Variants in FCRL1 observed in about 807,000 individuals in gnomAD.
FCRL1 encodes Fc receptor-like protein 1.
A neutral mutation model predicts 49.2 loss-of-function variants in FCRL1; 34 were observed. The ratio of observed to expected loss-of-function variants is 0.69; its 90% confidence interval spans 0.53 to 0.92. The LOEUF is 0.92. Ranked by LOEUF, FCRL1 falls within the 40% of genes least tolerant of loss-of-function variation. The pLI is 0.00. For missense variants in FCRL1, 524 were observed against 524.1 expected, an observed-to-expected ratio of 1.00 and a Z score of 0.00; for synonymous variants, 218 against 201.6, an observed-to-expected ratio of 1.08 and a Z score of -0.69.
At chr1:157,810,636 T>C (rs937878378) in intron 1 of FCRL1, among the ~76,000 whole-genome samples, 1 of 152,178 alleles carries the variant, frequency 6.6e-6, no homozygotes, top group Non-Finnish European at 1.5e-5. Flanking sequence ...TGTATTTTGA[T>C]TCTGCTGGTG....
At chr1:157,803,809 A>G in intron 3 of FCRL1, 36 bp downstream of exon 3, 1 of 1,602,598 alleles carries the variant, frequency 6.2e-7, no homozygotes, top group Non-Finnish European at 8.5e-7. Context: ...TGCCCTTCTC[A>G]GCCTATCCTG....
chr1:157,814,238 T>C (rs898417670), intron 1 of FCRL1, among the ~76,000 whole-genome samples: 4 of 152,160 alleles, frequency 2.6e-5, no homozygotes, highest in African/African-American at 9.6e-5. Flanking sequence ...TCTACTATGA[T>C]GGTTAAAAGT....
Position 157,802,576 on chromosome 1 carries a change from A to G in FCRL1, c.408T>C (p.Val136=), listed in dbSNP as rs1295015885. 5 of 1,614,204 alleles carry G rather than the reference A, an allele frequency of 3.1e-6. No individual in the cohort carries two copies. Among genetic ancestry groups the G allele is most frequent in the Non-Finnish European group, 3.4e-6 (4 of 1,180,042 alleles). ...EGDRLVLICS[V]AMGTGDITFL... ...AGGTGATGTCTCCTGTGCCCATAGC[A>G]ACTGAGCAGATGAGGACCAGCCTGT... Residue 136 remains valine (V), a synonymous_variant, in exon 4 of 11, where the codon GTT becomes GTC. Coordinates refer to ENST00000368176, the MANE Select transcript of FCRL1 (RefSeq NM_052938.5).
intron 9 of FCRL1, 137 bp downstream of exon 9, chr1:157,797,731 G>A (rs748021607): frequency 1.9e-6 from 3 of 1,564,170 alleles, no homozygotes; most frequent in Admixed American, 3.8e-5. Context: ...CCCAAGGACA[G>A]CCATTAAGTA....
chr1:157,802,595 A>G lies in FCRL1; in HGVS notation c.389T>C (p.Leu130Pro). 6.2e-7 allele frequency: 1 copy of G among 1,614,210 alleles called. No homozygotes were observed. The highest frequency in any genetic ancestry group is 1.7e-5 in the Admixed American group (1 of 60,026). Residue 130 changes from leucine to proline, a missense_variant, in exon 4 of 11, where the codon CTG becomes CCG. Transcript: ENST00000368176. ...PGGQVMEGDR[L>P]VLICSVAMGT... ...CATAGCAACTGAGCAGATGAGGACC[A>G]GCCTGTCTCCCTCCATCACCTGTCC...
At chr1:157,801,275 G>A (rs1484413296) in intron 6 of FCRL1, among the ~76,000 whole-genome samples, 186 bp downstream of exon 6, 1 of 152,160 alleles carries the variant, frequency 6.6e-6, no homozygotes, top group Non-Finnish European at 1.5e-5. Context: ...GAGGGATGGA[G>A]AACTTTACCA....
chr1:157,796,985 GA>G, intron 10 of FCRL1, 115 bp downstream of exon 10: 1 of 916,386 alleles, frequency 1.1e-6, no homozygotes, highest in Non-Finnish European at 1.8e-6. Flanking sequence ...GGGATGTAGG[GA>G]AGAGGTAGAC....
rs748837103 is a variant in FCRL1 at position 157,801,870 on chromosome 1, G to A, written c.886+45C>T. On this transcript the variant is annotated intron_variant, in intron 5 of 10. Coordinates refer to ENST00000368176, the MANE Select transcript of FCRL1 (RefSeq NM_052938.5). ...ACCAGCAAAACTCTCCCAGGACGCT[G>A]GGAAGGAGACATTGACCAAGACAGT... The A allele has an allele frequency of 3.2e-6, 5 of 1,569,918 alleles. No individual in the cohort carries two copies. The South Asian group carries it at 4.8e-5, about 15-fold the overall frequency.
intron 1 of FCRL1, among the ~76,000 whole-genome samples, chr1:157,810,017 T>C (rs1056629628): frequency 6.6e-6 from 1 of 152,148 alleles, no homozygotes; most frequent in Admixed American, 6.5e-5. Flanking sequence ...AGAAGCCAAA[T>C]TAAAAGTGTT....
At position 157,796,035 on chromosome 1, in the gene FCRL1, G is replaced by A. The variant is rs1651409307; in HGVS notation, c.*64C>T. 4.4e-6 allele frequency: 6 copies of A among 1,350,944 alleles called. No homozygotes were observed. In the East Asian group the frequency reaches 1.4e-4, roughly 31 times the overall value. The allele number at this position is 1,350,944 out of a possible 1,614,324, so 83.7% of individuals were successfully genotyped here. Reference sequence around the variant, plus strand: ...AAGCTAATGCCCCAGGATCTCTGAAGAACATATCAGGCCTGAGGCTTGGGG... The same window carrying A: ...AAGCTAATGCCCCAGGATCTCTGAAAAACATATCAGGCCTGAGGCTTGGGG... On this transcript the variant is annotated 3_prime_UTR_variant, in exon 11 of 11. Transcript: ENST00000368176.
chr1:157,811,778 C>T (rs545477105), intron 1 of FCRL1, among the ~76,000 whole-genome samples: 2 of 152,168 alleles, frequency 1.3e-5, no homozygotes, highest in South Asian at 4.1e-4. Context: ...CAGTAGTACA[C>T]CATTTGCTAG....
intron 1 of FCRL1, among the ~76,000 whole-genome samples, chr1:157,811,948 C>T (rs1654376606): frequency 2.0e-5 from 3 of 152,298 alleles, no homozygotes; most frequent in South Asian, 2.1e-4. Flanking sequence ...ACACTCTGCC[C>T]TGCCAAGGAA....
At chr1:157,812,039 T>C (rs1429452892) in intron 1 of FCRL1, among the ~76,000 whole-genome samples, 1 of 152,134 alleles carries the variant, frequency 6.6e-6, no homozygotes, top group Non-Finnish European at 1.5e-5. Flanking sequence ...TATGACCCAG[T>C]CAGGCATCCT....
At chr1:157,798,039 T>C in intron 8 of FCRL1, 100 bp from the exon 9 acceptor site, 1 of 1,511,020 alleles carries the variant, frequency 6.6e-7, no homozygotes. Context: ...GACAGATGAG[T>C]CATTTGTTTG....
At position 157,820,065 on chromosome 1, in the gene FCRL1, A is replaced by G; in HGVS notation, c.-28T>C. The G allele has an allele frequency of 6.2e-7, 1 of 1,614,046 alleles. No homozygotes were observed. Among genetic ancestry groups the G allele is most frequent in the Non-Finnish European group, 8.5e-7 (1 of 1,179,934 alleles). ...GGACCAGGTCAGGGATGGTACCTAG[A>G]GATGCCTCTCATCAAAAAAAGAATG... On this transcript the variant is annotated 5_prime_UTR_variant, in exon 1 of 11. Coordinates refer to ENST00000368176, the MANE Select transcript of FCRL1 (RefSeq NM_052938.5).
Position 157,798,357 on chromosome 1 carries a change from C to T in FCRL1, c.1032-114G>A, listed in dbSNP as rs1248991402. On this transcript the variant is annotated intron_variant, in intron 7 of 10. Coordinates refer to ENST00000368176, the MANE Select transcript of FCRL1 (RefSeq NM_052938.5). ...TTGTCCTGAGCAGAATACTAAGTTA[C>T]GGGGAAATGAGCAGCTAGAAGGCAC... 42 of 881,472 alleles carry T rather than the reference C, an allele frequency of 4.8e-5. No homozygotes were observed. In the East Asian group the frequency reaches 6.7e-4, roughly 14 times the overall value. 54.6% of individuals were successfully genotyped at this position (881,472 alleles called of 1,614,324 possible). A position where few individuals can be genotyped will look rare whatever the true frequency, so the allele number is the denominator to read the frequency against.
Position 157,802,487 on chromosome 1 carries a change from G to A in FCRL1, c.497C>T (p.Ala166Val). Residue 166 changes from alanine (A) to valine (V), a missense_variant, in exon 4 of 11, where the codon GCA becomes GTA. Ala to Val is a moderately conservative substitution (Grantham distance 64, BLOSUM62 0). Transcript: ENST00000368176. ...LQSKTQRSLTAEYEIPSVRES... is the reference protein window; with the variant it reads ...LQSKTQRSLTVEYEIPSVRES... ...CCTCACTGAAGGAATCTCATACTCTGCTGTCAGTGAACGCTGGGTCTTTGA... is the reference window on the plus strand; with the variant it reads ...CCTCACTGAAGGAATCTCATACTCTACTGTCAGTGAACGCTGGGTCTTTGA... 1 of 1,614,182 alleles carries A rather than the reference G, an allele frequency of 6.2e-7. No individual in the cohort carries two copies. The highest frequency in any genetic ancestry group is 8.5e-7 in the Non-Finnish European group (1 of 1,180,016).
chr1:157,814,316 A>G (rs544398786), intron 1 of FCRL1, among the ~76,000 whole-genome samples: 124 of 152,294 alleles, frequency 8.1e-4, no homozygotes, highest in African/African-American at 2.9e-3. Context: ...AATATGTAAC[A>G]TAAGGCAACA....
chr1:157,804,350 T>C, intron 2 of FCRL1: 1 of 487,496 alleles, frequency 2.1e-6, no homozygotes, highest in Non-Finnish European at 3.6e-6. Context: ...AAAGTAACTC[T>C]TACCTTTGAC....
Sources: gnomAD v4.1 joint callset for allele counts (sites outside exome capture counted in the v4.1 genomes callset) on GRCh38, gnomAD v4.1.1 for gene constraint, MANE v1.5 for transcripts, NCBI Gene and HGNC (gene_info 2026-07-23, HGNC 2026-07-21) for gene names.